Variants in UBR4 observed in about 807,000 individuals in gnomAD.
UBR4 encodes ubiquitin protein ligase E3 component n-recognin 4.
In UBR4, 124 loss-of-function variants were observed where a neutral mutation model predicts 575.6. That is an observed-to-expected ratio of 0.22 (90% confidence interval 0.19 to 0.25). The LOEUF is 0.25. Among genes scored for constraint, UBR4 ranks in the 10% least tolerant of loss-of-function variants. The pLI is 1.00. For synonymous variants in UBR4, 2,455 were observed against 2,473.7 expected, an observed-to-expected ratio of 0.99 and a Z score of 0.22; for missense variants, 4,818 against 6,478.8, an observed-to-expected ratio of 0.74 and a Z score of 8.80.
intron 34 of UBR4, 128 bp from the exon 35 acceptor site, chr1:19,162,739 G>A: frequency 8.5e-7 from 1 of 1,182,628 alleles, no homozygotes. Flanking sequence ...GAAAAACAGT[G>A]TGTTTTTATT....
intron 2 of UBR4, 116 bp downstream of exon 2, chr1:19,201,602 T>G: frequency 1.2e-6 from 1 of 813,326 alleles, no homozygotes; most frequent in South Asian, 1.8e-5. Flanking sequence ...GTGAGCAGCT[T>G]AGGAGTGCTA....
At chr1:19,173,122 T>C (rs372089897) in intron 24 of UBR4, 29 bp from the exon 25 acceptor site, 1 of 1,613,560 alleles carries the variant, frequency 6.2e-7, no homozygotes, top group Non-Finnish European at 8.5e-7. Flanking sequence ...TATAATTAGC[T>C]GTGGCAATGG....
At position 19,148,110 on chromosome 1, in the gene UBR4, A is replaced by G. The variant is rs749332276; in HGVS notation, c.7512T>C (p.Ala2504=). 6.2e-7 allele frequency: 1 copy of G among 1,608,088 alleles called. No individual in the cohort carries two copies. Among genetic ancestry groups the G allele is most frequent in the South Asian group, 1.1e-5 (1 of 91,014 alleles). Residue 2504 remains alanine, a synonymous_variant, in exon 51 of 106, where the codon GCT becomes GCC. Coordinates refer to ENST00000375254, the MANE Select transcript of UBR4 (RefSeq NM_020765.3). Reference sequence around the variant, plus strand: ...ACAGCAAAGTGGCCAGCTCCTGAGCAGCATTCTTGTTTCTCTCCTAAGGCA... The same window carrying G: ...ACAGCAAAGTGGCCAGCTCCTGAGCGGCATTCTTGTTTCTCTCCTAAGGCA... The part of the protein sequence containing the change: ...PIIEKERNKN[A]AQELATLLLS...
intron 65 of UBR4, 65 bp downstream of exon 65, chr1:19,124,476 C>G: frequency 1.3e-6 from 2 of 1,579,066 alleles, no homozygotes; most frequent in Non-Finnish European, 1.7e-6. Flanking sequence ...AAGAAAGGGG[C>G]CCACAGAGGT....
In UBR4 at chr1:19,099,692, A is replaced by G; in HGVS notation, c.13222-15T>C. The G allele has an allele frequency of 1.2e-6, 2 of 1,608,320 alleles. No individual in the cohort carries two copies. The highest frequency in any genetic ancestry group is 1.7e-6 in the Non-Finnish European group (2 of 1,176,882). On this transcript the variant is annotated splice_polypyrimidine_tract_variant and intron_variant, in intron 89 of 105. Transcript: ENST00000375254. ...TTCACTAGAAGCTGAACAGAAAAGCAGGTGAAGCTGTTGTTCCAAATAATT... is the reference window on the plus strand; with the variant it reads ...TTCACTAGAAGCTGAACAGAAAAGCGGGTGAAGCTGTTGTTCCAAATAATT...
rs760326408 is a variant in UBR4 at position 19,169,482 on chromosome 1, A to C, written c.3694T>G (p.Ser1232Ala). Residue 1232 changes from serine (S) to alanine (A), a missense_variant, in exon 27 of 106, where the codon TCC (serine) becomes GCC (alanine). Physicochemically the swap from Ser to Ala is moderately conservative, Grantham distance 99. Around this residue, in one of 29 missense-constraint regions of UBR4, gnomAD observed 1,172 missense variants for 1,259.7 expected, o/e 0.93. Coordinates refer to ENST00000375254, the MANE Select transcript of UBR4 (RefSeq NM_020765.3). ...LPSSVQTVCE[S>A]WNNINTNEFP... Reference sequence around the variant, plus strand: ...TCATTGGTATTGATGTTGTTCCAGGACTCACACACAGTCTGCACTGACGAT... The same window carrying C: ...TCATTGGTATTGATGTTGTTCCAGGCCTCACACACAGTCTGCACTGACGAT... 1 of 1,613,986 alleles carries C rather than the reference A, an allele frequency of 6.2e-7. No individual in the cohort carries two copies. The highest frequency in any genetic ancestry group is 1.1e-5 in the South Asian group (1 of 91,026).
intron 68 of UBR4, 94 bp from the exon 69 acceptor site, chr1:19,120,442 C>G: frequency 6.9e-7 from 1 of 1,448,542 alleles, no homozygotes; most frequent in East Asian, 2.3e-5. Flanking sequence ...GGAGGGAATT[C>G]TGTCCATTTC....
At chr1:19,161,557 C>T (rs1312941303) in intron 37 of UBR4, 32 bp downstream of exon 37, 1 of 1,554,758 alleles carries the variant, frequency 6.4e-7, no homozygotes, top group African/African-American at 1.4e-5. Flanking sequence ...ACTAACAAGC[C>T]ACCCTTTATA....
intron 44 of UBR4, 109 bp downstream of exon 44, chr1:19,154,809 G>A: frequency 1.3e-6 from 2 of 1,490,688 alleles, no homozygotes; most frequent in Non-Finnish European, 1.8e-6. Context: ...AGGTTGGCTG[G>A]AGAAAATTAA....
chr1:19,129,325 T>G (rs2082166280), intron 60 of UBR4, among the ~76,000 whole-genome samples: 1 of 152,220 alleles, frequency 6.6e-6, no homozygotes, highest in Non-Finnish European at 1.5e-5. Flanking sequence ...TGGCACTGAA[T>G]TAAATCCTAC....
Position 19,088,801 on chromosome 1 carries a change from G to A in UBR4, c.14388C>T (p.Ala4796=). The part of the protein sequence containing the change: ...RETRAEKKRM[A]MAMRQKALGT... ...CCAGGGCCTTCTGCCTCATTGCCAT[G>A]GCCATGCGCTTCTTCTCTGCCCGGG... The change falls in exon 98 of 106, where the codon GCC becomes GCT. Residue 4796 remains alanine (A), a synonymous_variant. Transcript: ENST00000375254. The surrounding 1 kb of genome is among the most constrained non-coding windows in gnomAD (Gnocchi z 4.0). The A allele has an allele frequency of 6.2e-7, 1 of 1,613,988 alleles. No homozygotes were observed. Among genetic ancestry groups the A allele is most frequent in the East Asian group, 2.2e-5 (1 of 44,862 alleles).
Position 19,187,503 on chromosome 1 carries a change from T to G in UBR4, c.1432A>C (p.Asn478His). The change falls in exon 12 of 106, where the codon AAC (asparagine) becomes CAC (histidine). Residue 478 changes from asparagine to histidine, a missense_variant. Transcript: ENST00000375254. ...GFGVLSVILA[N>H]HAIKLLTSLF... The stretch of plus-strand genomic sequence containing the variant: ...GACGTTAGCAGTTTGATGGCATGGT[T>G]TGCCAATATTACTGAGAGTACCCCA... The G allele has an allele frequency of 6.2e-7, 1 of 1,613,834 alleles. No individual in the cohort carries two copies. Among genetic ancestry groups the G allele is most frequent in the Non-Finnish European group, 8.5e-7 (1 of 1,180,000 alleles).
chr1:19,165,570 A>G, intron 30 of UBR4, 86 bp downstream of exon 30: 2 of 1,391,358 alleles, frequency 1.4e-6, no homozygotes, highest in East Asian at 2.3e-5. Flanking sequence ...ATTGCTGATA[A>G]TAAGTACCTA....
Position 19,160,293 on chromosome 1 carries a change from A to G in UBR4, c.5407-12T>C, listed in dbSNP as rs201299259. 2.4e-4 allele frequency: 384 copies of G among 1,583,912 alleles called. No individual in the cohort carries two copies. Among genetic ancestry groups the G allele is most frequent in the Non-Finnish European group, 3.1e-4 (365 of 1,166,614 alleles). ...AAGGAGAAATTGGCCTGAGAAAAAT[A>G]GAAAAAATACACCAGTGAAAAAAAA... On this transcript the variant is annotated splice_polypyrimidine_tract_variant and intron_variant, in intron 38 of 105. Transcript: ENST00000375254.
At chr1:19,086,100 C>T in intron 101 of UBR4, 45 bp downstream of exon 101, 1 of 1,606,364 alleles carries the variant, frequency 6.2e-7, no homozygotes. Context: ...GTCCCATCCC[C>T]TGCAAATCCC....
At position 19,087,809 on chromosome 1, in the gene UBR4, G is replaced by T. The variant is rs1259551377; in HGVS notation, c.14544+7C>A. On this transcript the variant is annotated splice_region_variant and intron_variant, in intron 99 of 105. Transcript: ENST00000375254. ...CTCAGGACCGACCGTAGGCCCAGCAGCTGTACCTGGAACTTGTATCCCTCC... is the reference window on the plus strand; with the variant it reads ...CTCAGGACCGACCGTAGGCCCAGCATCTGTACCTGGAACTTGTATCCCTCC... The T allele has an allele frequency of 1.2e-6, 2 of 1,606,000 alleles. No individual in the cohort carries two copies. Among genetic ancestry groups the T allele is most frequent in the Non-Finnish European group, 8.5e-7 (1 of 1,175,426 alleles).
intron 1 of UBR4, among the ~76,000 whole-genome samples, chr1:19,204,535 A>ATAT (rs1553240283): frequency 1.3e-4 from 20 of 150,194 alleles, no homozygotes; most frequent in South Asian, 1.3e-3. Context: ...TATAAAAAAA[A>ATAT]ATATATATAT....
chr1:19,206,224 C>T lies in UBR4; in HGVS notation c.176+3849G>A, dbSNP rs2093000566. 2.6e-5 allele frequency among the ~76,000 whole-genome samples: 4 copies of T among 152,278 alleles called. No homozygotes were observed. The East Asian group carries it at 7.7e-4, about 29-fold the overall frequency. On this transcript the variant is annotated intron_variant, in intron 1 of 105. Transcript: ENST00000375254. ...CCTGTAGTCTAGCTAGCTACTGTAA[C>T]TACTCAGGAGGCTGAAATAGGAGCA... is the stretch of plus-strand genomic sequence containing the variant.
At position 19,076,803 on chromosome 1, in the gene UBR4, G is replaced by C. The variant is rs1293671879; in HGVS notation, c.15424C>G (p.Leu5142Val). ...ATGAACTCCTCCTGGAAGGTTTTCA[G>C]GGCTTTGTCGGCAGCTTCGTAGATG... ...MPIYEAADKA[L>V]KTFQEEFMPV... The change falls in exon 105 of 106, where the codon CTG (leucine) becomes GTG (valine). Residue 5142 changes from leucine to valine, a missense_variant. This residue lies in a region of UBR4 where 212 missense variants were observed against 221.3 expected (regional missense o/e 0.96). Transcript: ENST00000375254. 6.2e-7 allele frequency: 1 copy of C among 1,613,892 alleles called. No homozygotes were observed. The highest frequency in any genetic ancestry group is 2.2e-5 in the East Asian group (1 of 44,864).
Sources: gnomAD v4.1 joint callset for allele counts (sites outside exome capture counted in the v4.1 genomes callset) on GRCh38, gnomAD v4.1.1 for gene constraint, gnomAD v4.1.1 regional missense constraint, Gnocchi (gnomAD v3.1) non-coding constraint, MANE v1.5 for transcripts, NCBI Gene and HGNC (gene_info 2026-07-23, HGNC 2026-07-21) for gene names.